Variants in GRIK2 observed in about 807,000 individuals in gnomAD.
GRIK2 encodes the protein glutamate receptor ionotropic, kainate 2.
In GRIK2, 32 loss-of-function variants were observed where a neutral mutation model predicts 100.3. The observed-to-expected ratio is 0.32, with a 90% CI of 0.24 to 0.43. The LOEUF (loss-of-function observed/expected upper bound fraction) is 0.43. Among genes scored for constraint, GRIK2 ranks in the 20% least tolerant of loss-of-function variants. The pLI, the probability that GRIK2 is intolerant of heterozygous loss-of-function variation, is 1.00. For synonymous variants in GRIK2, 417 were observed against 389.4 expected (o/e 1.07, Z -0.83); for missense variants, 843 against 1,114.9 (o/e 0.76, Z 3.47).
chr6:101,787,548 C>A (rs557339483), intron 7 of GRIK2, among the ~76,000 whole-genome samples: 2 of 152,164 alleles, frequency 1.3e-5, no homozygotes, highest in South Asian at 4.1e-4. Context: ...GCTTAATTTA[C>A]TCCATGACCT....
At chr6:101,498,694 T>A (rs985847860) in intron 2 of GRIK2, among the ~76,000 whole-genome samples, 1 of 151,832 alleles carries the variant, frequency 6.6e-6, no homozygotes, top group Non-Finnish European at 1.5e-5. Context: ...TCATATCCTT[T>A]GCCCACTTTT....
At chr6:101,666,497 A>G (rs890722752) in intron 4 of GRIK2, among the ~76,000 whole-genome samples, 1 of 152,204 alleles carries the variant, frequency 6.6e-6, no homozygotes, top group Non-Finnish European at 1.5e-5. Context: ...TCTACCATGA[A>G]TCACATTGTT....
rs1328289273 is a variant in GRIK2, at chr6:101,759,883, A to AT, written c.952-39756dup. Among the ~76,000 whole-genome samples, 763 of 134,154 alleles carry AT rather than the reference A, an allele frequency of 5.7e-3. 10 individuals carry two copies. Among genetic ancestry groups the AT allele is most frequent in the Non-Finnish European group, 8.2e-3 (541 of 66,318 alleles). The allele number at this position is 134,154 out of a possible 152,430, so 88.0% of individuals were successfully genotyped here. A position where few individuals can be genotyped will look rare whatever the true frequency, so the allele number is the denominator to read the frequency against. On this transcript the variant is annotated intron_variant, in intron 7 of 16. Coordinates refer to ENST00000369134, the MANE Select transcript of GRIK2 (RefSeq NM_021956.5). ...TATTTTTTTATTTATTTTTATTTTT[A>AT]TTTTTTTTTGAGACGGAGTCTCGCT...
intron 7 of GRIK2, among the ~76,000 whole-genome samples, chr6:101,738,964 T>G (rs182422335): frequency 2.6e-5 from 4 of 152,312 alleles, no homozygotes; most frequent in Non-Finnish European, 5.9e-5. Context: ...TAAAGCTTTC[T>G]CAAGGACAGC....
intron 9 of GRIK2, among the ~76,000 whole-genome samples, chr6:101,811,248 T>TCA (rs1781309806): frequency 1.3e-5 from 2 of 152,112 alleles, no homozygotes. Context: ...CTCATTATCA[T>TCA]CACACAGGAT....
chr6:101,434,260 G>A (rs1463441454), intron 2 of GRIK2, among the ~76,000 whole-genome samples: 1 of 152,210 alleles, frequency 6.6e-6, no homozygotes, highest in East Asian at 1.9e-4. Context: ...CATATCCTAG[G>A]ACCATTTGTG....
At chr6:101,452,427 T>A (rs1219002059) in intron 2 of GRIK2, among the ~76,000 whole-genome samples, 2 of 148,062 alleles carry the variant, frequency 1.4e-5, no homozygotes, top group African/African-American at 5.0e-5. Context: ...TGCTCTGTGC[T>A]TGCAGTGTAT....
At chr6:101,903,122 T>C (rs1213883279) in intron 12 of GRIK2, among the ~76,000 whole-genome samples, 1 of 151,896 alleles carries the variant, frequency 6.6e-6, no homozygotes, top group East Asian at 1.9e-4. Context: ...CCTGCAAAAG[T>C]CTTCACCTTT....
chr6:101,780,560 A>C (rs1779022641), intron 7 of GRIK2, among the ~76,000 whole-genome samples: 1 of 152,196 alleles, frequency 6.6e-6, no homozygotes, highest in Non-Finnish European at 1.5e-5. Context: ...TTAAGGACTC[A>C]ATATAACTTG....
chr6:101,947,716 A>G (rs1355038920), intron 14 of GRIK2, among the ~76,000 whole-genome samples: 2 of 152,208 alleles, frequency 1.3e-5, no homozygotes, highest in African/African-American at 4.8e-5. Flanking sequence ...TAACAAAGGC[A>G]TTAATTAGAC....
chr6:101,885,822 C>T (rs1158229482), intron 11 of GRIK2, among the ~76,000 whole-genome samples: 1 of 151,984 alleles, frequency 6.6e-6, no homozygotes, highest in Non-Finnish European at 1.5e-5. Flanking sequence ...GGACCCCCTC[C>T]CTTTCCATTT....
chr6:102,001,707 G>A (rs1257359234), intron 14 of GRIK2, among the ~76,000 whole-genome samples: 2 of 151,884 alleles, frequency 1.3e-5, no homozygotes, highest in African/African-American at 4.8e-5. Flanking sequence ...CAGTCTGGTC[G>A]TGTAGTGCTA....
chr6:101,584,800 C>T (rs1185401782), intron 2 of GRIK2, among the ~76,000 whole-genome samples: 3 of 151,598 alleles, frequency 2.0e-5, no homozygotes, highest in South Asian at 4.2e-4. Flanking sequence ...CAACTAGCTA[C>T]AGTTGTGATT....
chr6:101,975,785 G>GTCTGTCTATCTATCTA (rs1562081386), intron 14 of GRIK2, among the ~76,000 whole-genome samples: 2 of 100,260 alleles, frequency 2.0e-5, no homozygotes, highest in African/African-American at 9.0e-5. Flanking sequence ...CTATCTGTCT[G>GTCTGTCTATCTATCTA]TCTGTCTGTC....
chr6:101,631,486 A>G (rs1005107320), intron 4 of GRIK2, among the ~76,000 whole-genome samples: 2 of 152,152 alleles, frequency 1.3e-5, no homozygotes, highest in African/African-American at 2.4e-5. Flanking sequence ...ATAATGCACT[A>G]TGAATTGACA....
chr6:101,886,834 T>G (rs1786660929), intron 11 of GRIK2, among the ~76,000 whole-genome samples: 1 of 143,544 alleles, frequency 7.0e-6, no homozygotes, highest in Non-Finnish European at 1.5e-5. Context: ...TTTTTTTTTT[T>G]TTTTTTTTTG....
chr6:101,660,439 G>T (rs982578813), intron 4 of GRIK2, among the ~76,000 whole-genome samples: 1 of 152,106 alleles, frequency 6.6e-6, no homozygotes, highest in Non-Finnish European at 1.5e-5. Context: ...GATCGGAGGA[G>T]TTTGTTATTA....
At chr6:101,848,096 T>G (rs1291165476) in intron 10 of GRIK2, among the ~76,000 whole-genome samples, 1 of 152,100 alleles carries the variant, frequency 6.6e-6, no homozygotes, top group Non-Finnish European at 1.5e-5. Context: ...TCCATATGGT[T>G]TCCTATGGTG....
At chr6:101,729,630 AG>A (rs2128370158) in intron 7 of GRIK2, among the ~76,000 whole-genome samples, 1 of 151,984 alleles carries the variant, frequency 6.6e-6, no homozygotes. Flanking sequence ...ATCATTCCAA[AG>A]AAGCGTCATA....
Sources: allele counts gnomAD v4.1 joint callset (sites outside exome capture counted in the v4.1 genomes callset), GRCh38; gene constraint gnomAD v4.1.1; transcripts MANE v1.5; gene names NCBI Gene and HGNC (gene_info 2026-07-23, HGNC 2026-07-21).